Variants in TRNT1 observed in about 807,000 individuals in gnomAD.
TRNT1 encodes tRNA nucleotidyl transferase 1.
TRNT1 carries 44 observed loss-of-function variants against 45.6 expected under a neutral mutation model. The observed-to-expected ratio is 0.97, with a 90% CI of 0.76 to 1.24. The LOEUF (loss-of-function observed/expected upper bound fraction) is 1.24, where lower values mean the gene tolerates loss of function less well. Among genes scored for constraint, TRNT1 ranks in the 50% most tolerant of loss-of-function variants. TRNT1 has a pLI of 0.00. For synonymous variants in TRNT1, 201 were observed against 171.4 expected (o/e 1.17, Z -1.35); for missense variants, 633 against 504.4 (o/e 1.25, Z -2.44).
At chr3:3,152,090 A>AGAT (rs1431256561), downstream of TRNT1, among the ~76,000 whole-genome samples, 1 of 151,802 alleles carries the variant, frequency 6.6e-6, no homozygotes, top group African/African-American at 2.4e-5. Flanking sequence ...CAATGATAAA[A>AGAT]GATACAAAAA....
chr3:3,128,350 A>C (rs1330680967), intron 1 of TRNT1, among the ~76,000 whole-genome samples: 1 of 152,098 alleles, frequency 6.6e-6, no homozygotes, highest in African/African-American at 2.4e-5. Flanking sequence ...TAATCCCAGC[A>C]CTTTGGGAGG....
chr3:3,146,742 TAAAA>T, intron 6 of TRNT1, 119 bp downstream of exon 6: 1 of 990,618 alleles, frequency 1.0e-6, no homozygotes, highest in East Asian at 2.6e-5. Flanking sequence ...TGGAGTATTT[TAAAA>T]TAAGACAAAG....
In TRNT1 at chr3:3,137,321, A is replaced by C. The variant is rs750056889; in HGVS notation, c.210A>C (p.Leu70Phe). Residue 70 changes from leucine (L) to phenylalanine (F), a missense_variant, in exon 3 of 8, where the codon TTA becomes TTC. Transcript: ENST00000251607. ...RIAGGAVRDLLNGVKPQDIDF... is the reference protein window; with the variant it reads ...RIAGGAVRDLFNGVKPQDIDF... ...CAGGAGGAGCAGTGAGGGATTTATT[A>C]AATGGAGTAAAGCCTCAGGATATAG... The C allele has an allele frequency of 4.3e-6, 7 of 1,613,036 alleles. No individual in the cohort carries two copies. Among genetic ancestry groups the C allele is most frequent in the Middle Eastern group, 1.7e-4 (1 of 6,060 alleles).
intron 2 of TRNT1, among the ~76,000 whole-genome samples, chr3:3,132,736 A>C (rs555029230): frequency 1.8e-4 from 24 of 133,086 alleles, no homozygotes; most frequent in South Asian, 8.8e-4. Flanking sequence ...TGAAGGAAAA[A>C]AAAAAAAACA....
chr3:3,152,678 T>G, downstream of TRNT1: 1 of 1,456,186 alleles, frequency 6.9e-7, no homozygotes, highest in Non-Finnish European at 9.5e-7. Flanking sequence ...CACCAAGAAA[T>G]GAGGTATGAG....
chr3:3,151,165 G>A (rs1424885342), downstream of TRNT1: 1 of 1,085,502 alleles, frequency 9.2e-7, no homozygotes, highest in Non-Finnish European at 1.4e-6. Flanking sequence ...ATTCTAAGTT[G>A]AGATTTGATC....
intron 1 of TRNT1, 116 bp downstream of exon 1, chr3:3,127,106 G>C (rs1193196502): frequency 6.6e-6 from 1 of 152,312 alleles, no homozygotes; most frequent in Non-Finnish European, 1.5e-5. Flanking sequence ...AGACGGGAGC[G>C]GGACGTGGCG....
chr3:3,140,730 T>C (rs1010957242), intron 4 of TRNT1, 82 bp downstream of exon 4: 44 of 1,503,174 alleles, frequency 2.9e-5, no homozygotes, highest in Non-Finnish European at 3.9e-5. Context: ...GGAAATGTTC[T>C]TCAACTTGAG....
chr3:3,138,097 C>T (rs999666158), intron 3 of TRNT1, among the ~76,000 whole-genome samples: 2 of 152,200 alleles, frequency 1.3e-5, no homozygotes, highest in Admixed American at 6.5e-5. Flanking sequence ...TGTCTTCCTG[C>T]TCCAATATGG....
chr3:3,144,813 A>G, intron 5 of TRNT1, 103 bp downstream of exon 5: 1 of 1,201,146 alleles, frequency 8.3e-7, no homozygotes, highest in Non-Finnish European at 1.1e-6. Flanking sequence ...AAATGGTGAC[A>G]TCCCAAATGT....
chr3:3,130,217 C>T (rs540951825), intron 2 of TRNT1: 21 of 437,878 alleles, frequency 4.8e-5, no homozygotes, highest in Admixed American at 8.1e-5. Flanking sequence ...ATTAGATTCA[C>T]CTGGGGAGCT....
chr3:3,147,920 T>G lies in TRNT1; in HGVS notation c.1071T>G (p.Asp357Glu). Residue 357 changes from aspartate (D) to glutamate (E), a missense_variant, in exon 8 of 8, where the codon GAT becomes GAG. Coordinates refer to ENST00000251607, the MANE Select transcript of TRNT1 (RefSeq NM_182916.3). ...QDFIIDSREP[D>E]ATTRVCELLK... ...TTGACACGTAGTCTAGGGAACCTGA[T>G]GCAACTACTCGTGTATGTGAACTAC... 1 of 1,612,350 alleles carries G rather than the reference T, an allele frequency of 6.2e-7. No individual in the cohort carries two copies. The highest frequency in any genetic ancestry group is 1.7e-4 in the Middle Eastern group (1 of 6,054).
At chr3:3,129,242 A>G (rs537317383) in intron 2 of TRNT1, 54 bp downstream of exon 2, 52 of 1,484,672 alleles carry the variant, frequency 3.5e-5, no homozygotes, top group Non-Finnish European at 3.9e-5. Flanking sequence ...ATGGAGAAGT[A>G]GAGGGTTAAC....
Position 3,146,494 on chromosome 3 carries a change from G to A in TRNT1, c.673G>A (p.Glu225Lys). The change falls in exon 6 of 8, where the codon GAA (glutamate) becomes AAA (lysine). Residue 225 changes from glutamate to lysine, a missense_variant. Glu to Lys is a moderately conservative substitution (Grantham distance 56). Transcript: ENST00000251607. ...HDPETLEAIA[E>K]NAKGLAGISG... is the part of the protein sequence containing the mutation. Reference sequence around the variant, plus strand: ...TCCTGAGACTTTGGAAGCAATTGCAGAAAATGCAAAAGGCTTGGCTGGAAT... The same window carrying A: ...TCCTGAGACTTTGGAAGCAATTGCAAAAAATGCAAAAGGCTTGGCTGGAAT... 6.2e-7 allele frequency: 1 copy of A among 1,613,972 alleles called. No homozygotes were observed. Among genetic ancestry groups the A allele is most frequent in the Non-Finnish European group, 8.5e-7 (1 of 1,179,936 alleles).
At chr3:3,139,895 T>A (rs1488801979) in intron 3 of TRNT1, among the ~76,000 whole-genome samples, 1 of 152,048 alleles carries the variant, frequency 6.6e-6, no homozygotes, top group African/African-American at 2.4e-5. Flanking sequence ...CCTGGCTGGT[T>A]TTTTTGTATG....
At chr3:3,150,739 G>A, downstream of TRNT1, 1 of 937,782 alleles carries the variant, frequency 1.1e-6, no homozygotes, top group Non-Finnish European at 1.6e-6. Flanking sequence ...AACCCTCCAA[G>A]TAATGTTATG....
At chr3:3,152,349 C>G (rs1706625159), downstream of TRNT1, 1 of 1,232,710 alleles carries the variant, frequency 8.1e-7, no homozygotes, top group Non-Finnish European at 1.2e-6. Flanking sequence ...ATTTGTCTGT[C>G]TACTTTTTAT....
At chr3:3,143,481 T>G (rs1027840284) in intron 4 of TRNT1, among the ~76,000 whole-genome samples, 5 of 152,214 alleles carry the variant, frequency 3.3e-5, no homozygotes, top group Non-Finnish European at 5.9e-5. Flanking sequence ...CAGTGAAGTC[T>G]CCTGATCTGT....
At chr3:3,130,788 G>A (rs1704971626) in intron 2 of TRNT1, 1 of 152,120 alleles carries the variant, frequency 6.6e-6, no homozygotes, top group Non-Finnish European at 1.5e-5. Flanking sequence ...TGTAATCCTA[G>A]CACTTTGGGA....
Sources: allele counts gnomAD v4.1 joint callset (sites outside exome capture counted in the v4.1 genomes callset), GRCh38; gene constraint gnomAD v4.1.1; transcripts MANE v1.5; gene names NCBI Gene and HGNC (gene_info 2026-07-23, HGNC 2026-07-21).